The following SERINC3 variants were observed in gnomAD, a reference collection of about 807,000 sequenced individuals.
SERINC3 encodes serine incorporator 3, also known as tumor differentially expressed protein 1.
A neutral mutation model predicts 52.1 loss-of-function variants in SERINC3; 22 were observed. That is an observed-to-expected ratio of 0.42 (90% CI 0.30 to 0.60). SERINC3 has a LOEUF of 0.60. Among genes scored for constraint, SERINC3 ranks in the 20% least tolerant of loss-of-function variants. SERINC3 has a pLI of 0.16. For missense variants in SERINC3, 564 were observed against 584.6 expected, an observed-to-expected ratio of 0.96 and a Z score of 0.36; for synonymous variants, 226 against 212.7, an observed-to-expected ratio of 1.06 and a Z score of -0.54.
intron 4 of SERINC3, among the ~76,000 whole-genome samples, 174 bp downstream of exon 4, chr20:44,511,115 T>C (rs1159308576): frequency 6.6e-6 from 1 of 152,064 alleles, no homozygotes; most frequent in Non-Finnish European, 1.5e-5. Context: ...GGCTTCACCA[T>C]ATTGGCCAGG....
intron 1 of SERINC3, among the ~76,000 whole-genome samples, chr20:44,515,354 T>C (rs1377086395): frequency 6.6e-6 from 1 of 152,136 alleles, no homozygotes; most frequent in Non-Finnish European, 1.5e-5. Flanking sequence ...ACTTGGTCTA[T>C]CTATACAATG....
chr20:44,510,126 T>TGGTAAAGA, intron 4 of SERINC3, 98 bp from the exon 5 acceptor site: 1 of 1,161,030 alleles, frequency 8.6e-7, no homozygotes, highest in Non-Finnish European at 1.3e-6. Flanking sequence ...AAGACAGAGG[T>TGGTAAAGA]GGTAAAGACA....
At chr20:44,515,496 C>T (rs1568790725) in intron 1 of SERINC3, among the ~76,000 whole-genome samples, 1 of 151,960 alleles carries the variant, frequency 6.6e-6, no homozygotes. Context: ...ATAAAATATC[C>T]AGAATAAGTG....
At chr20:44,496,894 A>G (rs1247523873), downstream of SERINC3, among the ~76,000 whole-genome samples, 1 of 152,254 alleles carries the variant, frequency 6.6e-6, no homozygotes, top group East Asian at 1.9e-4. Flanking sequence ...ACTGAGAACC[A>G]GGTCCATGGC....
intron 9 of SERINC3, 26 bp downstream of exon 9, chr20:44,501,045 TTC>T (rs766361967): frequency 4.5e-6 from 7 of 1,540,514 alleles, no homozygotes; most frequent in African/African-American, 2.7e-5. Context: ...TTTTATGGTC[TTC>T]TGTCTGTTTT....
chr20:44,503,306 C>CA (rs2064291175), intron 8 of SERINC3, among the ~76,000 whole-genome samples: 1 of 152,168 alleles, frequency 6.6e-6, no homozygotes, highest in Non-Finnish European at 1.5e-5. Flanking sequence ...ACTGCCAAAA[C>CA]AATTTTGAAA....
At chr20:44,507,068 C>T (rs2064319667) in intron 5 of SERINC3, 72 bp from the exon 6 acceptor site, 5 of 1,183,992 alleles carry the variant, frequency 4.2e-6, no homozygotes, top group Admixed American at 2.9e-5. Flanking sequence ...TTTTCTTCCA[C>T]TCCATATAAA....
chr20:44,501,671 C>T (rs1252751727), intron 8 of SERINC3, among the ~76,000 whole-genome samples: 5 of 152,292 alleles, frequency 3.3e-5, no homozygotes, highest in South Asian at 2.1e-4. Context: ...TCTGGAAGGC[C>T]TTCCCTGACA....
Position 44,510,152 on chromosome 20 carries a change from T to C in SERINC3, c.476-124A>G, listed in dbSNP as rs1050380014. Reference sequence around the variant, plus strand: ...GGTAAAGACATTCTGTCTCCAGCAGTACAGCAAGATTCCAAACTCAACGGC... The same window carrying C: ...GGTAAAGACATTCTGTCTCCAGCAGCACAGCAAGATTCCAAACTCAACGGC... On this transcript the variant is annotated intron_variant, in intron 4 of 9. Coordinates refer to ENST00000342374, the MANE Select transcript of SERINC3 (RefSeq NM_006811.4). The C allele has an allele frequency of 7.0e-6, 6 of 858,184 alleles. No homozygotes were observed. In the South Asian group the frequency reaches 8.6e-5, roughly 12 times the overall value. 53.2% of individuals were successfully genotyped at this position (858,184 alleles called of 1,614,324 possible).
chr20:44,520,530 C>T (rs3091630), intron 1 of SERINC3, among the ~76,000 whole-genome samples: 3,508 of 152,016 alleles, frequency 0.023, 140 homozygotes, highest in African/African-American at 0.081. Context: ...AGCATATTCT[C>T]GCTTACAAGT....
chr20:44,507,908 T>G (rs1475651521), intron 5 of SERINC3, among the ~76,000 whole-genome samples: 2 of 151,984 alleles, frequency 1.3e-5, no homozygotes, highest in East Asian at 3.9e-4. Flanking sequence ...GCTCTGAAAA[T>G]TAGAAAACAT....
intron 1 of SERINC3, 47 bp downstream of exon 1, chr20:44,521,866 T>TC (rs138443833): frequency 0.074 from 116,725 of 1,577,630 alleles, 4,782 homozygotes; most frequent in South Asian, 0.14. Flanking sequence ...TCGAGGCCTT[T>TC]CCCCGCAAAC....
At chr20:44,518,484 A>G (rs1477988143) in intron 1 of SERINC3, among the ~76,000 whole-genome samples, 1 of 152,128 alleles carries the variant, frequency 6.6e-6, no homozygotes, top group Admixed American at 6.6e-5. Flanking sequence ...CGAGGCTGCC[A>G]TAAAGTCCCT....
chr20:44,502,585 C>CAAAA (rs1276917464), intron 8 of SERINC3, among the ~76,000 whole-genome samples: 1 of 73,628 alleles, frequency 1.4e-5, no homozygotes, highest in Admixed American at 1.3e-4. Context: ...TTCTTCTCTT[C>CAAAA]AAAAAAAAAA....
intron 8 of SERINC3, among the ~76,000 whole-genome samples, chr20:44,503,413 T>C (rs2064291734): frequency 6.6e-6 from 1 of 152,190 alleles, no homozygotes; most frequent in African/African-American, 2.4e-5. Context: ...TTTGGGAGGC[T>C]GAGAAAGGAG....
At chr20:44,506,584 C>CAAAAAATAAAAA (rs1285983991) in intron 6 of SERINC3, among the ~76,000 whole-genome samples, 3 of 14,254 alleles carry the variant, frequency 2.1e-4, no homozygotes, top group African/African-American at 7.2e-4. Context: ...GACTCCATCT[C>CAAAAAATAAAAA]AAAAAAAAAA....
intron 1 of SERINC3, 71 bp downstream of exon 1, chr20:44,521,842 G>A (rs2064419075): frequency 1.4e-6 from 2 of 1,463,076 alleles, no homozygotes; most frequent in African/African-American, 1.4e-5. Flanking sequence ...GCCAAGGCCC[G>A]TGCAGCTCTG....
chr20:44,497,589 CG>C lies in SERINC3; in HGVS notation c.*2706del, dbSNP rs1383310930. On this transcript the variant is annotated 3_prime_UTR_variant, in exon 10 of 10. Transcript: ENST00000342374. The stretch of plus-strand genomic sequence containing the variant: ...ACCTTTAAAGCTCTTAAGCTGACTC[CG>C]CTACTGTAAAGAAAAGCAGGGTATC... 3 of 152,284 alleles carry C rather than the reference CG, an allele frequency of 2.0e-5. No individual in the cohort carries two copies. Among genetic ancestry groups the C allele is most frequent in the African/African-American group, 7.2e-5 (3 of 41,418 alleles). The allele number at this position is 152,284 out of a possible 1,614,324, so 9.4% of individuals were successfully genotyped here. A position where few individuals can be genotyped will look rare whatever the true frequency, so the allele number is the denominator to read the frequency against.
chr20:44,503,643 GTC>G (rs1423410354), intron 8 of SERINC3, among the ~76,000 whole-genome samples, 170 bp downstream of exon 8: 1 of 152,132 alleles, frequency 6.6e-6, no homozygotes, highest in Non-Finnish European at 1.5e-5. Flanking sequence ...GCAAGACACT[GTC>G]TCAAAAAAAT....
Sources: gnomAD v4.1 joint callset for allele counts (sites outside exome capture counted in the v4.1 genomes callset) on GRCh38, gnomAD v4.1.1 for gene constraint, MANE v1.5 for transcripts, NCBI Gene and HGNC (gene_info 2026-07-23, HGNC 2026-07-21) for gene names.